PANX1: variants seen among roughly 807,000 people sequenced by gnomAD.
PANX1 encodes the protein pannexin-1.
PANX1 carries 30 observed loss-of-function variants against 38.7 expected under a neutral mutation model. That is an observed-to-expected ratio of 0.78 (90% confidence interval 0.58 to 1.05). The LOEUF is 1.05. Ranked by LOEUF, PANX1 falls within the 50% of genes least tolerant of loss-of-function variation. The pLI is 0.00. For missense variants in PANX1, 551 were observed against 517.2 expected, an observed-to-expected ratio of 1.07 and a Z score of -0.63; for synonymous variants, 230 against 212.2, an observed-to-expected ratio of 1.08 and a Z score of -0.73.
At chr11:94,153,702 G>A in intron 2 of PANX1, 72 bp downstream of exon 2, 2 of 1,399,922 alleles carry the variant, frequency 1.4e-6, no homozygotes, top group African/African-American at 1.4e-5. Context: ...GGGAGGCTAT[G>A]CCAAAGACCA....
At chr11:94,162,931 G>T (rs1947063600) in intron 2 of PANX1, among the ~76,000 whole-genome samples, 1 of 145,664 alleles carries the variant, frequency 6.9e-6, no homozygotes, top group Non-Finnish European at 1.5e-5. Context: ...GAGTGTAGTG[G>T]CACAAACATG....
chr11:94,162,191 GT>G (rs1947048984), intron 2 of PANX1, among the ~76,000 whole-genome samples: 1 of 152,180 alleles, frequency 6.6e-6, no homozygotes, highest in Non-Finnish European at 1.5e-5. Flanking sequence ...GAGGCAGTCT[GT>G]CCATTCTCAG....
chr11:94,143,964 T>A (rs75757445), intron 1 of PANX1, among the ~76,000 whole-genome samples: 4,659 of 152,188 alleles, frequency 0.031, 245 homozygotes, highest in African/African-American at 0.11. Flanking sequence ...GCCCAGACTG[T>A]TCTCAAACTC....
chr11:94,174,963 G>A (rs1947215461), intron 2 of PANX1, among the ~76,000 whole-genome samples: 1 of 151,648 alleles, frequency 6.6e-6, no homozygotes, highest in Non-Finnish European at 1.5e-5. Context: ...ACAGCTGCTT[G>A]GTCCCACAAT....
chr11:94,162,242 A>G (rs1021130991), intron 2 of PANX1, among the ~76,000 whole-genome samples: 1 of 152,132 alleles, frequency 6.6e-6, no homozygotes, highest in Non-Finnish European at 1.5e-5. Context: ...ACTCTCTTCA[A>G]AGCTGTCAGA....
chr11:94,135,234 G>T (rs572943982), intron 1 of PANX1, among the ~76,000 whole-genome samples: 4 of 152,244 alleles, frequency 2.6e-5, no homozygotes, highest in Non-Finnish European at 5.9e-5. Context: ...GGCAGCCACC[G>T]TTCTGGGTAG....
At chr11:94,171,113 C>T (rs1167024718) in intron 2 of PANX1, among the ~76,000 whole-genome samples, 1 of 151,644 alleles carries the variant, frequency 6.6e-6, no homozygotes, top group African/African-American at 2.4e-5. Flanking sequence ...TGCTCATCCT[C>T]CTTCACCACC....
intron 3 of PANX1, 69 bp downstream of exon 3, chr11:94,178,661 C>G: frequency 8.1e-7 from 1 of 1,236,726 alleles, no homozygotes. Context: ...TACTGCCAGT[C>G]TGGGCCCAGA....
intron 2 of PANX1, among the ~76,000 whole-genome samples, chr11:94,156,765 G>A (rs1423443618): frequency 6.9e-6 from 1 of 145,056 alleles, no homozygotes; most frequent in Admixed American, 6.9e-5. Flanking sequence ...TAGGGTACAT[G>A]TGCACAACAT....
intron 1 of PANX1, among the ~76,000 whole-genome samples, chr11:94,144,226 C>T (rs183658244): frequency 6.6e-6 from 1 of 152,202 alleles, no homozygotes; most frequent in Non-Finnish European, 1.5e-5. Flanking sequence ...CTTCTTCTCC[C>T]TCCCCCATTT....
At chr11:94,177,403 G>A (rs960247209) in intron 2 of PANX1, among the ~76,000 whole-genome samples, 3 of 151,730 alleles carry the variant, frequency 2.0e-5, no homozygotes, top group Admixed American at 6.6e-5. Context: ...GTGACATCAA[G>A]GGCCTAGACC....
chr11:94,155,180 A>G (rs1380245517), intron 2 of PANX1, among the ~76,000 whole-genome samples: 1 of 151,986 alleles, frequency 6.6e-6, no homozygotes, highest in South Asian at 2.1e-4. Flanking sequence ...GTGAAACCCC[A>G]TCTCCACTAA....
chr11:94,148,279 G>C (rs1946849209), intron 1 of PANX1, among the ~76,000 whole-genome samples: 1 of 152,200 alleles, frequency 6.6e-6, no homozygotes, highest in Admixed American at 6.5e-5. Flanking sequence ...AAAGGTGAAA[G>C]GAGAGGAATT....
At position 94,131,969 on chromosome 11, in the gene PANX1, G is replaced by T. The variant is rs76418189; in HGVS notation, c.181+2476G>T. Among the ~76,000 whole-genome samples, 1,330 of 152,268 alleles carry T rather than the reference G, an allele frequency of 8.7e-3. 20 individuals are homozygous for T. The highest frequency in any genetic ancestry group is 0.03 in the African/African-American group (1,234 of 41,550). ...GGCCCCGGGAAGACACTGAGATAAG[G>T]CCTGCAGACTTAAAACATGGCTTCA... On this transcript the variant is annotated intron_variant, in intron 1 of 4. Coordinates refer to ENST00000227638, the MANE Select transcript of PANX1 (RefSeq NM_015368.4).
intron 1 of PANX1, among the ~76,000 whole-genome samples, chr11:94,136,898 A>G (rs1565372278): frequency 6.6e-6 from 1 of 152,150 alleles, no homozygotes; most frequent in African/African-American, 2.4e-5. Context: ...CTGTACAGGA[A>G]ACCTAGTGGC....
intron 2 of PANX1, chr11:94,175,786 G>T (rs932240788): frequency 1.0e-6 from 1 of 984,768 alleles, no homozygotes. Context: ...GCTAATCACA[G>T]CCTGCTTTGT....
chr11:94,179,945 GT>G lies in PANX1; in HGVS notation c.891del (p.Pro298HisfsTer31), dbSNP rs763907631. On this transcript the variant is annotated frameshift_variant, in exon 4 of 5. Transcript: ENST00000227638. LOFTEE classifies it high-confidence loss of function. ...LAPVVVYTLF[V>X]PFRQKTDVLK... ...TCCCGTGGTTGTCTACACGCTGTTTGTTCCATTCCGACAGAAGACAGATGTT... is the reference window on the plus strand; with the variant it reads ...TCCCGTGGTTGTCTACACGCTGTTTGTCCATTCCGACAGAAGACAGATGTT... 6.2e-7 allele frequency: 1 copy of G among 1,604,702 alleles called. No homozygotes were observed. Among genetic ancestry groups the G allele is most frequent in the African/African-American group, 1.3e-5 (1 of 74,742 alleles).
chr11:94,146,109 A>G (rs1176385245), intron 1 of PANX1, among the ~76,000 whole-genome samples: 1 of 152,208 alleles, frequency 6.6e-6, no homozygotes, highest in Non-Finnish European at 1.5e-5. Flanking sequence ...CGACAAGCCC[A>G]GAACATTTTG....
At position 94,128,854 on chromosome 11, in the gene PANX1, C is replaced by T. The variant is rs4753126; in HGVS notation, c.-459C>T. 77,161 of 152,560 alleles carry T rather than the reference C, an allele frequency of 0.51. 19,733 individuals are homozygous for T. The highest frequency in any genetic ancestry group is 0.6 in the Admixed American group (9,152 of 15,318). 9.5% of individuals were successfully genotyped at this position (152,560 alleles called of 1,614,324 possible). Reference sequence around the variant, plus strand: ...CCACGCCCCTGGGTACTTGGTTTCCCCGCATGGTTCCGGAAGAGCGCGGCG... The same window carrying T: ...CCACGCCCCTGGGTACTTGGTTTCCTCGCATGGTTCCGGAAGAGCGCGGCG... On this transcript the variant is annotated 5_prime_UTR_variant, in exon 1 of 5. Transcript: ENST00000227638.
Sources: allele counts gnomAD v4.1 joint callset (sites outside exome capture counted in the v4.1 genomes callset), GRCh38; gene constraint gnomAD v4.1.1; transcripts MANE v1.5; gene names NCBI Gene and HGNC (gene_info 2026-07-23, HGNC 2026-07-21).